Variants in NXPE2 observed in about 807,000 individuals in gnomAD.
NXPE2 encodes NXPE family member 2.
In NXPE2, 34 loss-of-function variants were observed where a neutral mutation model predicts 34.4. The observed-to-expected ratio is 0.99, with a 90% CI of 0.75 to 1.31. The LOEUF is 1.31. NXPE2 is among the 40% of genes most tolerant of loss of function. The probability of loss-of-function intolerance (pLI) is 0.00; values close to 1 mark genes in which losing one functional copy is unlikely to be tolerated. For synonymous variants in NXPE2, 235 were observed against 231.3 expected, an observed-to-expected ratio of 1.02 and a Z score of -0.15; for missense variants, 649 against 672.5, an observed-to-expected ratio of 0.97 and a Z score of 0.39.
At chr11:114,633,528 A>G in the NXPE2 span, among the ~76,000 whole-genome samples, 1 of 151,434 alleles carries the variant, frequency 6.6e-6, no homozygotes, top group South Asian at 2.1e-4. Context: ...TTAGTTATCC[A>G]TATATACATG....
the NXPE2 span, among the ~76,000 whole-genome samples, chr11:114,612,411 G>A: frequency 0.085 from 12,866 of 151,634 alleles, 657 homozygotes; most frequent in Middle Eastern, 0.19. Context: ...ACTGTTACCC[G>A]GTGGATAATA....
At chr11:114,503,727 C>T in the NXPE2 span, among the ~76,000 whole-genome samples, 4 of 152,116 alleles carry the variant, frequency 2.6e-5, no homozygotes, top group East Asian at 3.9e-4. Context: ...GCAGGGAGGC[C>T]GTTATCAAGG....
the NXPE2 span, among the ~76,000 whole-genome samples, chr11:114,574,248 C>G: frequency 4.0e-5 from 6 of 151,766 alleles, no homozygotes; most frequent in Non-Finnish European, 8.8e-5. Context: ...TAAATGCCTA[C>G]ATAAAAGTCT....
the NXPE2 span, among the ~76,000 whole-genome samples, chr11:114,663,453 G>A: frequency 6.6e-6 from 1 of 152,070 alleles, no homozygotes; most frequent in Admixed American, 6.6e-5. Context: ...TGTCTTAGAA[G>A]GACATGGTGG....
chr11:114,546,375 T>C, the NXPE2 span, among the ~76,000 whole-genome samples: 1 of 152,310 alleles, frequency 6.6e-6, no homozygotes, highest in African/African-American at 2.4e-5. Flanking sequence ...GAGCCCATGT[T>C]TAGCTTAATA....
the NXPE2 span, chr11:114,522,817 C>T: frequency 1.7e-6 from 2 of 1,171,400 alleles, no homozygotes; most frequent in African/African-American, 3.0e-5. Context: ...AGAATAGAGA[C>T]CTCATTAAAA....
the NXPE2 span, among the ~76,000 whole-genome samples, chr11:114,560,477 G>T: frequency 6.6e-6 from 1 of 151,976 alleles, no homozygotes. Flanking sequence ...ATGTTGCCCA[G>T]GCTGGTCTTG....
At chr11:114,501,668 G>A in the NXPE2 span, among the ~76,000 whole-genome samples, 2 of 152,120 alleles carry the variant, frequency 1.3e-5, no homozygotes, top group East Asian at 3.9e-4. Flanking sequence ...AGGGCTAATG[G>A]ATCAGAAAAG....
the NXPE2 span, among the ~76,000 whole-genome samples, chr11:114,609,780 A>G: frequency 2.2e-4 from 33 of 151,840 alleles, no homozygotes; most frequent in African/African-American, 6.8e-4. Flanking sequence ...CCTCGCGGGT[A>G]ACCACAGTTA....
the NXPE2 span, among the ~76,000 whole-genome samples, chr11:114,589,088 G>T: frequency 6.6e-6 from 1 of 152,250 alleles, no homozygotes; most frequent in Admixed American, 6.5e-5. Context: ...TCTGCGAGTT[G>T]CTATTGATGT....
the NXPE2 span, among the ~76,000 whole-genome samples, chr11:114,785,642 CCT>C: frequency 1.3e-5 from 2 of 152,054 alleles, no homozygotes; most frequent in African/African-American, 2.4e-5. Context: ...TAATTCCCTC[CCT>C]CTCTGGGTAT....
chr11:114,684,192 C>A (rs1565381234), intron 2 of NXPE2, among the ~76,000 whole-genome samples: 1 of 152,064 alleles, frequency 6.6e-6, no homozygotes, highest in Non-Finnish European at 1.5e-5. Context: ...CTTTGGGAGG[C>A]CGAGGCGGGC....
At chr11:114,588,948 G>T in the NXPE2 span, among the ~76,000 whole-genome samples, 1 of 152,082 alleles carries the variant, frequency 6.6e-6, no homozygotes, top group Non-Finnish European at 1.5e-5. Flanking sequence ...ACCTCCTGAG[G>T]GTGGCCACCT....
the NXPE2 span, among the ~76,000 whole-genome samples, chr11:114,752,972 T>G: frequency 6.6e-6 from 1 of 152,108 alleles, no homozygotes; most frequent in African/African-American, 2.4e-5. Context: ...CACACTAAGA[T>G]TTGGAGATCG....
chr11:114,529,116 T>G, the NXPE2 span: 1 of 292,558 alleles, frequency 3.4e-6, no homozygotes, highest in Non-Finnish European at 6.3e-6. Context: ...GACTCTAAAC[T>G]TGACTTTGAA....
the NXPE2 span, among the ~76,000 whole-genome samples, chr11:114,796,416 GCTTAGAAACTGAAAATAA>G: frequency 6.6e-6 from 1 of 152,056 alleles, no homozygotes; most frequent in African/African-American, 2.4e-5. Flanking sequence ...AAACCTTGGA[GCTTAGAAACTGAAAATAA>G]GTATCAGAGA....
At chr11:114,504,099 C>T in the NXPE2 span, among the ~76,000 whole-genome samples, 230 of 152,340 alleles carry the variant, frequency 1.5e-3, no homozygotes, top group African/African-American at 4.9e-3. Flanking sequence ...CCTGAGCCCA[C>T]GGCAACTGCC....
chr11:114,588,253 C>G, the NXPE2 span, among the ~76,000 whole-genome samples: 1 of 152,166 alleles, frequency 6.6e-6, no homozygotes, highest in Non-Finnish European at 1.5e-5. Flanking sequence ...CCCCACTCCC[C>G]TAGCTTCACT....
the NXPE2 span, among the ~76,000 whole-genome samples, chr11:114,484,063 T>G: frequency 6.6e-6 from 1 of 152,258 alleles, no homozygotes. Context: ...CATGGAGAAC[T>G]TGGGAAAGTT....
Sources: gnomAD v4.1 joint callset for allele counts (sites outside exome capture counted in the v4.1 genomes callset) on GRCh38, gnomAD v4.1.1 for gene constraint, MANE v1.5 for transcripts, NCBI Gene and HGNC (gene_info 2026-07-23, HGNC 2026-07-21) for gene names.